CFAP20DC: variants seen among roughly 807,000 people sequenced by gnomAD.
CFAP20DC encodes protein CFAP20DC.
Under a neutral mutation model 101.7 loss-of-function variants are expected in CFAP20DC, and 84 were observed. That is an observed-to-expected ratio of 0.83 (90% confidence interval 0.69 to 0.99). CFAP20DC has a LOEUF of 0.99. Among genes scored for constraint, CFAP20DC ranks in the 50% least tolerant of loss-of-function variants. The probability of loss-of-function intolerance (pLI) is 0.00; values close to 1 mark genes in which losing one functional copy is unlikely to be tolerated. For synonymous variants in CFAP20DC, 359 were observed against 351.2 expected (o/e 1.02, Z -0.25); for missense variants, 1,007 against 970.3 (o/e 1.04, Z -0.50).
chr3:58,829,635 C>T (rs1166988149), intron 14 of CFAP20DC, among the ~76,000 whole-genome samples: 1 of 152,078 alleles, frequency 6.6e-6, no homozygotes, highest in African/African-American at 2.4e-5. Context: ...AAATATCAGA[C>T]CATTTTCAGT....
chr3:58,779,451 C>CATT (rs2071627078), intron 15 of CFAP20DC, among the ~76,000 whole-genome samples: 1 of 152,092 alleles, frequency 6.6e-6, no homozygotes. Context: ...ATCAATTCAG[C>CATT]TAGAGGATAC....
At chr3:58,996,866 A>T (rs1345065909) in intron 4 of CFAP20DC, among the ~76,000 whole-genome samples, 1 of 152,214 alleles carries the variant, frequency 6.6e-6, no homozygotes, top group Non-Finnish European at 1.5e-5. Flanking sequence ...GGGTTCTCCA[A>T]CAGGCATGCC....
chr3:58,810,548 G>A (rs529071912), intron 14 of CFAP20DC, among the ~76,000 whole-genome samples: 23 of 151,894 alleles, frequency 1.5e-4, no homozygotes, highest in Middle Eastern at 3.4e-3. Flanking sequence ...TTGATGGGAC[G>A]TATTTCAAAA....
chr3:58,846,992 T>C (rs2077713435), intron 13 of CFAP20DC, among the ~76,000 whole-genome samples: 1 of 135,490 alleles, frequency 7.4e-6, no homozygotes, highest in Non-Finnish European at 1.6e-5. Flanking sequence ...ATCCCTTCCT[T>C]ACACCTTATA....
In CFAP20DC at chr3:58,894,087, C is replaced by T; in HGVS notation, c.551-9378G>A. Among the ~76,000 whole-genome samples, 1 of 152,098 alleles carries T rather than the reference C, an allele frequency of 6.6e-6. No homozygotes were observed. ...CCTGCCCCCATGATGCAATTACCTC[C>T]TACTGAGTCCCTCCCACAACACGTG... On this transcript the variant is annotated intron_variant, in intron 6 of 16. Coordinates refer to ENST00000482387, the MANE Select transcript of CFAP20DC (RefSeq NM_001394063.1). This position sits in a 1 kb window ranked among gnomAD's most constrained non-coding sequence, Gnocchi z 4.1.
In CFAP20DC at chr3:58,849,415, T is replaced by C; in HGVS notation, c.1594-6A>G. On this transcript the variant is annotated splice_region_variant and splice_polypyrimidine_tract_variant and intron_variant, in intron 12 of 16. Transcript: ENST00000482387. ...CCCTGGATACTGTGGTTACCCTATG[T>C]TGGGGAACAAAGTAAAAATAATTTT... 4.0e-6 allele frequency: 6 copies of C among 1,491,996 alleles called. No homozygotes were observed. Among genetic ancestry groups the C allele is most frequent in the Non-Finnish European group, 5.3e-6 (6 of 1,129,230 alleles). 92.4% of individuals were successfully genotyped at this position (1,491,996 alleles called of 1,614,324 possible).
intron 4 of CFAP20DC, among the ~76,000 whole-genome samples, chr3:58,960,468 G>C (rs1454325424): frequency 6.6e-6 from 1 of 150,824 alleles, no homozygotes; most frequent in African/African-American, 2.4e-5. Context: ...CTCCAGCCTG[G>C]GTGACACAGC....
rs528751838 is a variant in CFAP20DC, at chr3:58,806,023, AAT to A, written c.2237+370_2237+371del. On this transcript the variant is annotated intron_variant, in intron 15 of 16. Transcript: ENST00000482387. ...AAACATCAGACACCTATTAAAATAA[AAT>A]AGTTATGCAAATAAAGTAATGAATA... 2.5e-3 allele frequency among the ~76,000 whole-genome samples: 378 copies of A among 152,364 alleles called. 2 individuals carry two copies. Among genetic ancestry groups the A allele is most frequent in the African/African-American group, 7.7e-3 (320 of 41,586 alleles).
intron 4 of CFAP20DC, among the ~76,000 whole-genome samples, chr3:58,980,308 C>T (rs917226311): frequency 1.3e-5 from 2 of 152,136 alleles, no homozygotes; most frequent in African/African-American, 2.4e-5. Context: ...CCTTCTGAAA[C>T]TATTCCAATC....
chr3:58,802,512 T>G (rs1023196929), intron 15 of CFAP20DC, among the ~76,000 whole-genome samples: 1 of 152,216 alleles, frequency 6.6e-6, no homozygotes, highest in Non-Finnish European at 1.5e-5. Flanking sequence ...TGTTTAAATA[T>G]CAGTTAGTGT....
chr3:59,022,636 C>G (rs898949482), intron 4 of CFAP20DC, among the ~76,000 whole-genome samples: 1 of 152,130 alleles, frequency 6.6e-6, no homozygotes, highest in Admixed American at 6.5e-5. Context: ...CTACTTACTG[C>G]TAATAAATGC....
At chr3:58,993,744 C>T (rs1176409752) in intron 4 of CFAP20DC, among the ~76,000 whole-genome samples, 2 of 152,124 alleles carry the variant, frequency 1.3e-5, no homozygotes, top group African/African-American at 4.8e-5. Context: ...CATCTGTGTC[C>T]CTGGAAAGGA....
intron 5 of CFAP20DC, among the ~76,000 whole-genome samples, chr3:58,934,541 G>A (rs1345619948): frequency 6.6e-5 from 10 of 152,220 alleles, no homozygotes; most frequent in African/African-American, 1.2e-4. Flanking sequence ...CTGGCAAACC[G>A]AATCCAGCAG....
At chr3:58,750,983 G>T (rs2068524441) in intron 16 of CFAP20DC, among the ~76,000 whole-genome samples, 1 of 152,036 alleles carries the variant, frequency 6.6e-6, no homozygotes, top group Admixed American at 6.6e-5. Context: ...TTGGAATGGG[G>T]GGAAAATTGA....
In CFAP20DC at chr3:58,964,205, C is replaced by T. The variant is rs997791484; in HGVS notation, c.279-26443G>A. Among the ~76,000 whole-genome samples the T allele has an allele frequency of 6.6e-6, 1 of 152,172 alleles. No individual in the cohort carries two copies. Among genetic ancestry groups the T allele is most frequent in the Non-Finnish European group, 1.5e-5 (1 of 68,040 alleles). The stretch of plus-strand genomic sequence containing the variant: ...ACTATAGCTTCAATCGGACAAGAGA[C>T]TGATTTCAATAACCTTCTCCTGTTA... On this transcript the variant is annotated intron_variant, in intron 4 of 16. Coordinates refer to ENST00000482387, the MANE Select transcript of CFAP20DC (RefSeq NM_001394063.1). This position sits in a 1 kb window ranked among gnomAD's most constrained non-coding sequence, Gnocchi z 4.1.
At chr3:58,834,221 AG>A (rs1179070352) in intron 13 of CFAP20DC, among the ~76,000 whole-genome samples, 1 of 152,182 alleles carries the variant, frequency 6.6e-6, no homozygotes, top group Non-Finnish European at 1.5e-5. Flanking sequence ...ATTTAAAAAA[AG>A]GAGTTTGGTA....
At chr3:58,760,140 C>T (rs1651707791) in intron 15 of CFAP20DC, among the ~76,000 whole-genome samples, 1 of 152,166 alleles carries the variant, frequency 6.6e-6, no homozygotes, top group Non-Finnish European at 1.5e-5. Context: ...TGGCCATTTT[C>T]ACATACTGAT....
At chr3:58,898,496 C>T (rs1415074469) in intron 6 of CFAP20DC, among the ~76,000 whole-genome samples, 11 of 152,152 alleles carry the variant, frequency 7.2e-5, no homozygotes, top group Non-Finnish European at 1.5e-5. Context: ...CCTGTGATTG[C>T]ATTGTGAAGT....
At position 58,882,974 on chromosome 3, in the gene CFAP20DC, C is replaced by T. The variant is rs2081336879; in HGVS notation, c.715+1571G>A. 6.6e-6 allele frequency among the ~76,000 whole-genome samples: 1 copy of T among 152,106 alleles called. No individual in the cohort carries two copies. The highest frequency in any genetic ancestry group is 2.1e-4 in the South Asian group (1 of 4,828). On this transcript the variant is annotated intron_variant, in intron 7 of 16. Coordinates refer to ENST00000482387, the MANE Select transcript of CFAP20DC (RefSeq NM_001394063.1). This position sits in a 1 kb window ranked among gnomAD's most constrained non-coding sequence, Gnocchi z 4.2. ...ACTGAAAAGGTTACCAAATAGGTCC[C>T]AGTTCTCTGGGAATATACAATTTAG...
Sources: allele counts gnomAD v4.1 joint callset (sites outside exome capture counted in the v4.1 genomes callset), GRCh38; gene constraint gnomAD v4.1.1; non-coding constraint Gnocchi (gnomAD v3.1); transcripts MANE v1.5; gene names NCBI Gene and HGNC (gene_info 2026-07-23, HGNC 2026-07-21).